The following SAMD5 variants were observed in gnomAD, a reference collection of about 807,000 sequenced individuals.
SAMD5 encodes the protein sterile alpha motif domain containing 5, also known as sterile alpha motif domain-containing protein 5.
SAMD5 carries 13 observed loss-of-function variants against 11.3 expected under a neutral mutation model. The ratio of observed to expected loss-of-function variants is 1.15; its 90% CI spans 0.75 to 1.83. The LOEUF is 1.83. SAMD5 is among the 40% of genes most tolerant of loss of function. The pLI is 0.00. For synonymous variants in SAMD5, 129 were observed against 111.3 expected (o/e 1.16, Z -1.00); for missense variants, 255 against 239.1 (o/e 1.07, Z -0.44).
intron 1 of SAMD5, among the ~76,000 whole-genome samples, chr6:147,618,657 C>T (rs1789911357): frequency 6.6e-6 from 1 of 152,164 alleles, no homozygotes; most frequent in Non-Finnish European, 1.5e-5. Flanking sequence ...TTGGCGGGAG[C>T]CCATTATCTA....
At chr6:147,652,206 C>T (rs1790495582) in intron 1 of SAMD5, among the ~76,000 whole-genome samples, 2 of 152,240 alleles carry the variant, frequency 1.3e-5, no homozygotes, top group Admixed American at 1.3e-4. Flanking sequence ...ATGTCCTTTA[C>T]TTAATTGCAC....
At chr6:147,880,974 A>G in the SAMD5 span, among the ~76,000 whole-genome samples, 3 of 152,202 alleles carry the variant, frequency 2.0e-5, no homozygotes, top group African/African-American at 7.2e-5. Flanking sequence ...TACCCTAGAC[A>G]CTGGGGTAGA....
At chr6:147,654,877 C>T (rs1174779415) in intron 1 of SAMD5, among the ~76,000 whole-genome samples, 3 of 152,112 alleles carry the variant, frequency 2.0e-5, no homozygotes, top group Non-Finnish European at 4.4e-5. Flanking sequence ...ATCCTCCTAA[C>T]TGAGTCACTA....
chr6:147,816,886 G>T, the SAMD5 span, among the ~76,000 whole-genome samples: 1 of 151,874 alleles, frequency 6.6e-6, no homozygotes, highest in African/African-American at 2.4e-5. Context: ...AGCTATAAAA[G>T]ATAAGTTTAT....
chr6:147,812,631 GAC>G, the SAMD5 span, among the ~76,000 whole-genome samples: 1 of 152,054 alleles, frequency 6.6e-6, no homozygotes, highest in South Asian at 2.1e-4. Context: ...CTGCAGGTGA[GAC>G]ACAGCCTGTG....
At chr6:147,866,846 G>C in the SAMD5 span, among the ~76,000 whole-genome samples, 1 of 152,140 alleles carries the variant, frequency 6.6e-6, no homozygotes, top group Admixed American at 6.5e-5. Flanking sequence ...GGGCACAGTA[G>C]CATTCTATCC....
the SAMD5 span, among the ~76,000 whole-genome samples, chr6:147,799,004 G>C: frequency 6.6e-6 from 1 of 152,058 alleles, no homozygotes; most frequent in Non-Finnish European, 1.5e-5. Flanking sequence ...CACACTGATG[G>C]GTCTTGACTC....
the SAMD5 span, among the ~76,000 whole-genome samples, chr6:147,829,904 G>C: frequency 6.6e-6 from 1 of 152,188 alleles, no homozygotes; most frequent in Admixed American, 6.5e-5. Flanking sequence ...GATCTAAATA[G>C]ATGCCAGATA....
chr6:147,907,397 G>C, the SAMD5 span, among the ~76,000 whole-genome samples: 4 of 152,202 alleles, frequency 2.6e-5, no homozygotes, highest in Non-Finnish European at 5.9e-5. Context: ...AGAAAGAAAA[G>C]TGTCCCCCAT....
chr6:147,741,832 A>T (rs1791883785), downstream of SAMD5: 1 of 152,156 alleles, frequency 6.6e-6, no homozygotes, highest in South Asian at 2.1e-4. Flanking sequence ...CTTTTCTTTC[A>T]CATTTTCAAA....
intron 1 of SAMD5, among the ~76,000 whole-genome samples, chr6:147,696,739 G>A (rs1237006379): frequency 1.3e-5 from 2 of 152,020 alleles, no homozygotes; most frequent in East Asian, 1.9e-4. Flanking sequence ...GCATCTCGGC[G>A]CCCACTTCAT....
intron 1 of SAMD5, among the ~76,000 whole-genome samples, chr6:147,549,781 C>T (rs566607422): frequency 1.6e-4 from 24 of 152,008 alleles, no homozygotes; most frequent in Admixed American, 3.9e-4. Flanking sequence ...TATCCACCAC[C>T]GGAGCAAATT....
chr6:147,686,019 T>G (rs906179980), intron 1 of SAMD5, among the ~76,000 whole-genome samples: 1 of 152,198 alleles, frequency 6.6e-6, no homozygotes, highest in African/African-American at 2.4e-5. Context: ...TTGTGTTTGG[T>G]GACTGACAAA....
At chr6:147,581,434 G>T (rs1231615203) in intron 1 of SAMD5, among the ~76,000 whole-genome samples, 1 of 152,170 alleles carries the variant, frequency 6.6e-6, no homozygotes, top group East Asian at 1.9e-4. Context: ...AGGATAAGAT[G>T]GCCCAGGGAC....
chr6:147,657,980 C>G (rs17077171), intron 1 of SAMD5, among the ~76,000 whole-genome samples: 5,263 of 152,216 alleles, frequency 0.035, 311 homozygotes, highest in African/African-American at 0.12. Context: ...TTGTATTGAT[C>G]TTTGCATTTT....
At chr6:147,948,695 A>G in the SAMD5 span, among the ~76,000 whole-genome samples, 2 of 151,968 alleles carry the variant, frequency 1.3e-5, no homozygotes, top group Non-Finnish European at 2.9e-5. Flanking sequence ...TATACATTGG[A>G]TCTATTTGCC....
chr6:147,599,816 T>C (rs189968771), intron 1 of SAMD5, among the ~76,000 whole-genome samples: 1 of 152,300 alleles, frequency 6.6e-6, no homozygotes, highest in East Asian at 1.9e-4. Context: ...CATGTAAAAG[T>C]GTTATTTACA....
intron 1 of SAMD5, among the ~76,000 whole-genome samples, chr6:147,735,865 G>A (rs1258473134): frequency 6.6e-6 from 1 of 152,196 alleles, no homozygotes; most frequent in Non-Finnish European, 1.5e-5. Flanking sequence ...ATTGGAAAGT[G>A]TGTCAACTCT....
intron 1 of SAMD5, among the ~76,000 whole-genome samples, chr6:147,622,905 T>C (rs544764641): frequency 6.6e-6 from 1 of 151,978 alleles, no homozygotes; most frequent in Non-Finnish European, 1.5e-5. Context: ...GAGAATGAGA[T>C]CTAAGCAAAA....
Sources: gnomAD v4.1 joint callset for allele counts (sites outside exome capture counted in the v4.1 genomes callset) on GRCh38, gnomAD v4.1.1 for gene constraint, MANE v1.5 for transcripts, NCBI Gene and HGNC (gene_info 2026-07-23, HGNC 2026-07-21) for gene names.